ARCN1: variants seen among roughly 807,000 people sequenced by gnomAD.
ARCN1 encodes archain 1 coat protein complex I subunit delta.
ARCN1 carries 5 observed loss-of-function variants against 60.4 expected under a neutral mutation model. That is an observed-to-expected ratio of 0.08 (90% confidence interval 0.04 to 0.17). The LOEUF is 0.17. Ranked by LOEUF, ARCN1 falls within the 10% of genes least tolerant of loss-of-function variation. ARCN1 has a pLI of 1.00. For synonymous variants in ARCN1, 224 were observed against 220.0 expected (o/e 1.02, Z -0.16); for missense variants, 464 against 626.5 (o/e 0.74, Z 2.77).
chr11:118,578,340 C>T (rs1172007151), intron 1 of ARCN1, among the ~76,000 whole-genome samples: 1 of 151,900 alleles, frequency 6.6e-6, no homozygotes, highest in Non-Finnish European at 1.5e-5. Flanking sequence ...TAAGAACTAC[C>T]CTTGAGCCTG....
intron 6 of ARCN1, among the ~76,000 whole-genome samples, chr11:118,592,332 A>G (rs921380265): frequency 1.2e-4 from 18 of 152,278 alleles, no homozygotes; most frequent in African/African-American, 3.9e-4. Flanking sequence ...CTGCTGTCTG[A>G]CCCAGGCAGC....
At chr11:118,588,854 G>A (rs1217709902) in intron 5 of ARCN1, among the ~76,000 whole-genome samples, 1 of 152,108 alleles carries the variant, frequency 6.6e-6, no homozygotes, top group Non-Finnish European at 1.5e-5. Flanking sequence ...TCTGACTCTA[G>A]TAAAAATACA....
At chr11:118,599,370 C>T (rs979733299) in intron 9 of ARCN1, among the ~76,000 whole-genome samples, 2 of 151,344 alleles carry the variant, frequency 1.3e-5, no homozygotes, top group African/African-American at 2.4e-5. Flanking sequence ...GGATTACAGG[C>T]GCGAGTCACC....
chr11:118,573,902 A>G, intron 1 of ARCN1: 1 of 470,444 alleles, frequency 2.1e-6, no homozygotes, highest in Admixed American at 3.8e-5. Flanking sequence ...GTGATTTTGA[A>G]ACTCAGTTCC....
At chr11:118,599,805 G>C (rs1332376376) in intron 9 of ARCN1, among the ~76,000 whole-genome samples, 2 of 152,012 alleles carry the variant, frequency 1.3e-5, no homozygotes, top group African/African-American at 4.8e-5. Context: ...TGACTTGCTT[G>C]TTGTTCTGGC....
chr11:118,581,217 G>T (rs1565359862), intron 1 of ARCN1, 29 bp from the exon 2 acceptor site: 2 of 1,611,650 alleles, frequency 1.2e-6, no homozygotes, highest in Admixed American at 3.3e-5. Context: ...GAAATAATTA[G>T]TACTTACTTA....
Position 118,602,627 on chromosome 11 carries a change from T to TA in ARCN1, c.*1914dup, listed in dbSNP as rs1939172348. On this transcript the variant is annotated 3_prime_UTR_variant, in exon 10 of 10. Coordinates refer to ENST00000264028, the MANE Select transcript of ARCN1 (RefSeq NM_001655.5). The stretch of plus-strand genomic sequence containing the variant: ...CCTAACTGCATCAGGGAAGAATTCT[T>TA]ATCTCTAGCTTGGTTTCCACATGAG... 6.5e-6 allele frequency: 1 copy of TA among 153,782 alleles called. No individual in the cohort carries two copies. Among genetic ancestry groups the TA allele is most frequent in the Non-Finnish European group, 1.5e-5 (1 of 68,042 alleles). The allele number at this position is 153,782 out of a possible 1,614,324, so 9.5% of individuals were successfully genotyped here. A position where few individuals can be genotyped will look rare whatever the true frequency, so the allele number is the denominator to read the frequency against.
chr11:118,584,578 C>T lies in ARCN1; in HGVS notation c.752C>T (p.Ser251Phe), dbSNP rs146939812. 274 of 1,613,776 alleles carry T rather than the reference C, an allele frequency of 1.7e-4. No individual in the cohort carries two copies. The highest frequency in any genetic ancestry group is 2.2e-4 in the Non-Finnish European group (261 of 1,179,898). The stretch of plus-strand genomic sequence containing the variant: ...AAATCTGAAGGTGAAACCATCATGT[C>T]CTCTAGTATGGGCAAGCGTACTTCT... ...KLKSEGETIM[S>F]SSMGKRTSEA... is the part of the protein sequence containing the mutation. The change falls in exon 5 of 10, where the codon TCC becomes TTC. Residue 251 changes from serine to phenylalanine, a missense_variant. Ser to Phe is a radical substitution (Grantham distance 155). Transcript: ENST00000264028.
intron 3 of ARCN1, 95 bp downstream of exon 3, chr11:118,583,453 G>A: frequency 7.2e-7 from 1 of 1,379,702 alleles, no homozygotes. Context: ...AATGTAGACT[G>A]TATTCAAAAC....
chr11:118,591,103 C>G (rs1381422388), intron 6 of ARCN1, among the ~76,000 whole-genome samples: 1 of 152,220 alleles, frequency 6.6e-6, no homozygotes, highest in African/African-American at 2.4e-5. Flanking sequence ...AGGGCAGTAT[C>G]TAATGGTGTA....
intron 1 of ARCN1, among the ~76,000 whole-genome samples, chr11:118,576,112 A>G (rs1306840217): frequency 2.6e-5 from 4 of 152,126 alleles, no homozygotes; most frequent in Admixed American, 6.6e-5. Flanking sequence ...GACTTATCCA[A>G]GGTCACATAA....
At chr11:118,588,669 C>G (rs782172596) in intron 5 of ARCN1, among the ~76,000 whole-genome samples, 3 of 152,102 alleles carry the variant, frequency 2.0e-5, no homozygotes, top group African/African-American at 7.2e-5. Context: ...GTGATTGTGT[C>G]TCTGAATAGC....
intron 9 of ARCN1, among the ~76,000 whole-genome samples, chr11:118,599,578 G>A (rs1555077788): frequency 6.6e-6 from 1 of 151,172 alleles, no homozygotes; most frequent in Non-Finnish European, 1.5e-5. Flanking sequence ...GGCGTGTACT[G>A]CCACACCCAG....
At chr11:118,584,165 TAAA>T (rs1252594151) in intron 4 of ARCN1, 151 bp downstream of exon 4, 12 of 817,154 alleles carry the variant, frequency 1.5e-5, no homozygotes, top group African/African-American at 8.7e-5. Context: ...AATATGAGGA[TAAA>T]GAAGAAATCT....
At chr11:118,584,705 A>T in intron 5 of ARCN1, 61 bp downstream of exon 5, 1 of 1,399,030 alleles carries the variant, frequency 7.1e-7, no homozygotes, top group Non-Finnish European at 9.6e-7. Context: ...ATTTTTTAAA[A>T]ATCTTATTTC....
At chr11:118,572,642 G>T in intron 1 of ARCN1, 92 bp downstream of exon 1, 1 of 1,513,170 alleles carries the variant, frequency 6.6e-7, no homozygotes, top group Non-Finnish European at 9.0e-7. Flanking sequence ...GAGGAGCCCC[G>T]CCCTGAGGGT....
chr11:118,573,171 A>G (rs924703861), intron 1 of ARCN1, among the ~76,000 whole-genome samples: 1 of 152,168 alleles, frequency 6.6e-6, no homozygotes, highest in African/African-American at 2.4e-5. Context: ...ACTTGTGTCC[A>G]TTTGTTAGTG....
intron 1 of ARCN1, among the ~76,000 whole-genome samples, chr11:118,577,049 T>G (rs564423145): frequency 6.6e-6 from 1 of 152,106 alleles, no homozygotes; most frequent in South Asian, 2.1e-4. Flanking sequence ...TAGCCAGGTG[T>G]GGTGGCCTGT....
intron 1 of ARCN1, among the ~76,000 whole-genome samples, 156 bp from the exon 2 acceptor site, chr11:118,581,090 G>A (rs140801089): frequency 8.9e-4 from 135 of 152,184 alleles, no homozygotes; most frequent in Admixed American, 2.4e-3. Flanking sequence ...ATTGCACTCC[G>A]GCATGGGTGA....
Sources: allele counts gnomAD v4.1 joint callset (sites outside exome capture counted in the v4.1 genomes callset), GRCh38; gene constraint gnomAD v4.1.1; transcripts MANE v1.5; gene names NCBI Gene and HGNC (gene_info 2026-07-23, HGNC 2026-07-21).